ZNF704: variants seen among roughly 807,000 people sequenced by gnomAD.
The protein encoded by ZNF704 is zinc finger protein 704, also known as glucocorticoid induced gene 1.
A neutral mutation model predicts 44.7 loss-of-function variants in ZNF704; 10 were observed. That is an observed-to-expected ratio of 0.22 (90% CI 0.14 to 0.38). ZNF704 has a LOEUF of 0.38. Among genes scored for constraint, ZNF704 ranks in the 10% least tolerant of loss-of-function variants. The pLI, the probability that ZNF704 is intolerant of heterozygous loss-of-function variation, is 1.00. For missense variants in ZNF704, 390 were observed against 545.5 expected (o/e 0.71, Z 2.84); for synonymous variants, 211 against 207.6 (o/e 1.02, Z -0.14).
intron 2 of ZNF704, among the ~76,000 whole-genome samples, chr8:80,791,063 C>G (rs1401400348): frequency 3.9e-5 from 6 of 152,030 alleles, no homozygotes; most frequent in Non-Finnish European, 1.5e-5. Flanking sequence ...GCAAATCCTG[C>G]TGAATTGATG....
At chr8:80,789,722 A>G (rs1330398293) in intron 2 of ZNF704, among the ~76,000 whole-genome samples, 3 of 152,128 alleles carry the variant, frequency 2.0e-5, no homozygotes, top group Admixed American at 6.6e-5. Flanking sequence ...AGCCTGGGTG[A>G]CAGAGTCAGA....
At chr8:80,771,473 C>G (rs190741549) in intron 2 of ZNF704, among the ~76,000 whole-genome samples, 1 of 152,012 alleles carries the variant, frequency 6.6e-6, no homozygotes, top group Non-Finnish European at 1.5e-5. Flanking sequence ...TTAAATGATA[C>G]TGTATTTTAA....
At chr8:80,823,378 C>A (rs574760692) in intron 1 of ZNF704, among the ~76,000 whole-genome samples, 2 of 152,222 alleles carry the variant, frequency 1.3e-5, no homozygotes, top group Admixed American at 6.5e-5. Context: ...GGGGGAGGGG[C>A]ATCAGCCACT....
At chr8:80,867,338 C>T (rs980607999) in intron 1 of ZNF704, among the ~76,000 whole-genome samples, 1 of 152,074 alleles carries the variant, frequency 6.6e-6, no homozygotes, top group African/African-American at 2.4e-5. Context: ...AGTAGTAGAC[C>T]ACTTCAGAAA....
chr8:80,692,978 C>T, intron 3 of ZNF704, 26 bp downstream of exon 3: 1 of 1,607,940 alleles, frequency 6.2e-7, no homozygotes, highest in Non-Finnish European at 8.5e-7. Flanking sequence ...AGGGGCCCTT[C>T]CCTAAGTCCC....
At chr8:80,872,005 T>C (rs1038912679) in intron 1 of ZNF704, among the ~76,000 whole-genome samples, 2 of 152,234 alleles carry the variant, frequency 1.3e-5, no homozygotes, top group African/African-American at 4.8e-5. Flanking sequence ...TTTCCCTATA[T>C]TAAGCTTGTT....
At chr8:80,800,004 T>C (rs1011313810) in intron 2 of ZNF704, among the ~76,000 whole-genome samples, 1 of 151,920 alleles carries the variant, frequency 6.6e-6, no homozygotes, top group African/African-American at 2.4e-5. Context: ...GAAAACAACA[T>C]GAGAACTTCA....
intron 4 of ZNF704, among the ~76,000 whole-genome samples, chr8:80,670,812 G>T (rs1489769846): frequency 1.3e-5 from 2 of 152,126 alleles, no homozygotes; most frequent in African/African-American, 2.4e-5. Context: ...AAGAGAAATG[G>T]GCTCTGCTGG....
chr8:80,683,903 G>A (rs1204882383), intron 4 of ZNF704, among the ~76,000 whole-genome samples: 1 of 152,156 alleles, frequency 6.6e-6, no homozygotes. Context: ...GGAGGTGGGA[G>A]AAGAGATAAG....
chr8:80,674,590 C>G (rs577548521), intron 4 of ZNF704, among the ~76,000 whole-genome samples: 36 of 152,210 alleles, frequency 2.4e-4, no homozygotes, highest in African/African-American at 7.9e-4. Flanking sequence ...TCTCAAAAAC[C>G]AATCCAGTCT....
At chr8:80,675,473 GTT>G (rs111402539) in intron 4 of ZNF704, among the ~76,000 whole-genome samples, 15,798 of 147,576 alleles carry the variant, frequency 0.11, 2,750 homozygotes, top group African/African-American at 0.36. Context: ...GTTTTGTTTT[GTT>G]TTTTTTTTTA....
chr8:80,824,995 G>T (rs1219706089), intron 1 of ZNF704, among the ~76,000 whole-genome samples: 1 of 152,098 alleles, frequency 6.6e-6, no homozygotes, highest in Non-Finnish European at 1.5e-5. Flanking sequence ...GACCATCGAG[G>T]CTAGGAAGAA....
chr8:80,723,170 C>A (rs1806404938), intron 2 of ZNF704, among the ~76,000 whole-genome samples: 1 of 152,166 alleles, frequency 6.6e-6, no homozygotes, highest in South Asian at 2.1e-4. Context: ...TGAATAGTGT[C>A]ATTCCAGTAA....
intron 2 of ZNF704, among the ~76,000 whole-genome samples, chr8:80,757,057 C>T (rs1161045451): frequency 6.6e-6 from 1 of 152,224 alleles, no homozygotes; most frequent in Non-Finnish European, 1.5e-5. Context: ...ACTTACCATA[C>T]TGTACTTTTT....
chr8:80,679,409 G>A (rs933489052), intron 4 of ZNF704, among the ~76,000 whole-genome samples: 12 of 148,840 alleles, frequency 8.1e-5, no homozygotes, highest in African/African-American at 3.1e-4. Context: ...AATAAACAAC[G>A]CCCAGATTGC....
intron 2 of ZNF704, among the ~76,000 whole-genome samples, chr8:80,696,112 A>C (rs970963418): frequency 4.6e-5 from 7 of 152,236 alleles, no homozygotes; most frequent in African/African-American, 1.7e-4. Context: ...ACATGAAGAG[A>C]TGATATACAA....
intron 1 of ZNF704, among the ~76,000 whole-genome samples, chr8:80,839,786 CCTTCCTGCCTGT>C (rs376006339): frequency 1.6e-3 from 248 of 152,208 alleles, no homozygotes; most frequent in African/African-American, 5.7e-3. Flanking sequence ...TGCTCCTGAT[CCTTCCTGCCTGT>C]CTTCCTGCCT....
chr8:80,845,258 A>G (rs1378406849), intron 1 of ZNF704, among the ~76,000 whole-genome samples: 1 of 152,172 alleles, frequency 6.6e-6, no homozygotes, highest in Non-Finnish European at 1.5e-5. Flanking sequence ...GGCTGGGTTC[A>G]ATGCCAATGC....
intron 2 of ZNF704, among the ~76,000 whole-genome samples, chr8:80,708,666 T>C (rs1818933520): frequency 6.6e-6 from 1 of 152,242 alleles, no homozygotes; most frequent in Non-Finnish European, 1.5e-5. Context: ...TTGTCATACT[T>C]GTGTAGCAGC....
Sources: allele counts gnomAD v4.1 joint callset (sites outside exome capture counted in the v4.1 genomes callset), GRCh38; gene constraint gnomAD v4.1.1; transcripts MANE v1.5; gene names NCBI Gene and HGNC (gene_info 2026-07-23, HGNC 2026-07-21).